The following SLAIN1 variants were observed in gnomAD, a reference collection of about 807,000 sequenced individuals.
The protein encoded by SLAIN1 is SLAIN motif-containing protein 1.
In SLAIN1, 17 loss-of-function variants were observed where a neutral mutation model predicts 55.4. That is an observed-to-expected ratio of 0.31 (90% CI 0.21 to 0.46). The LOEUF (loss-of-function observed/expected upper bound fraction) is 0.46, where lower values mean the gene tolerates loss of function less well. Among genes scored for constraint, SLAIN1 ranks in the 20% least tolerant of loss-of-function variants. The pLI, the probability that SLAIN1 is intolerant of heterozygous loss-of-function variation, is 1.00. For missense variants in SLAIN1, 682 were observed against 785.1 expected (o/e 0.87, Z 1.57); for synonymous variants, 348 against 337.4 (o/e 1.03, Z -0.35).
chr13:77,715,088 G>A (rs373693506), intron 1 of SLAIN1, among the ~76,000 whole-genome samples: 5 of 152,064 alleles, frequency 3.3e-5, no homozygotes, highest in East Asian at 1.9e-4. Context: ...GGATGGTCTC[G>A]ATCTCCTGAC....
intron 1 of SLAIN1, among the ~76,000 whole-genome samples, chr13:77,710,564 C>G (rs56204528): frequency 0.099 from 15,049 of 152,136 alleles, 863 homozygotes; most frequent in East Asian, 0.12. Flanking sequence ...TATATCCACC[C>G]AATACAGGAG....
chr13:77,757,826 G>A (rs937551689), intron 5 of SLAIN1, among the ~76,000 whole-genome samples: 12 of 152,034 alleles, frequency 7.9e-5, no homozygotes, highest in South Asian at 4.2e-4. Flanking sequence ...TTATCCACCC[G>A]TTGGTTGATG....
intron 2 of SLAIN1, among the ~76,000 whole-genome samples, chr13:77,727,228 C>T (rs568626101): frequency 2.0e-5 from 3 of 152,200 alleles, no homozygotes; most frequent in South Asian, 2.1e-4. Context: ...CTTTCTATTT[C>T]GAGGCACCCT....
intron 4 of SLAIN1, among the ~76,000 whole-genome samples, chr13:77,752,794 G>A (rs928122939): frequency 6.6e-5 from 10 of 152,316 alleles, no homozygotes; most frequent in South Asian, 4.1e-4. Context: ...GGAGAAAGGT[G>A]AAGTCTGCTC....
At chr13:77,740,418 C>T (rs79443751) in intron 2 of SLAIN1, among the ~76,000 whole-genome samples, 5,773 of 151,888 alleles carry the variant, frequency 0.038, 198 homozygotes, top group Admixed American at 0.072. Context: ...TGCCAAGTAT[C>T]GTACATTGAT....
intron 6 of SLAIN1, among the ~76,000 whole-genome samples, chr13:77,761,342 C>T (rs948282400): frequency 6.6e-5 from 10 of 152,174 alleles, no homozygotes; most frequent in Admixed American, 1.3e-4. Flanking sequence ...ACTCCTAAGA[C>T]GCTCTTTGCT....
At chr13:77,725,389 G>C (rs988944430) in intron 2 of SLAIN1, among the ~76,000 whole-genome samples, 2 of 152,178 alleles carry the variant, frequency 1.3e-5, no homozygotes, top group African/African-American at 2.4e-5. Flanking sequence ...ATGAGTAGGA[G>C]TGATGAGAGG....
chr13:77,703,599 G>A (rs923784256), intron 1 of SLAIN1, among the ~76,000 whole-genome samples: 1 of 151,994 alleles, frequency 6.6e-6, no homozygotes, highest in African/African-American at 2.4e-5. Context: ...AGGGTTGGGG[G>A]TGGAGGGAAA....
chr13:77,753,932 A>T (rs974642762), intron 5 of SLAIN1, among the ~76,000 whole-genome samples: 6 of 152,010 alleles, frequency 3.9e-5, no homozygotes, highest in Non-Finnish European at 7.4e-5. Flanking sequence ...CTTACTTTCT[A>T]TGTTTTACCC....
chr13:77,720,923 C>CA (rs2091255571), intron 2 of SLAIN1, among the ~76,000 whole-genome samples: 3 of 151,296 alleles, frequency 2.0e-5, no homozygotes, highest in Non-Finnish European at 3.0e-5. Context: ...AGTGTAGGGA[C>CA]AAAGGCATGT....
At chr13:77,715,174 A>G (rs781756969) in intron 1 of SLAIN1, among the ~76,000 whole-genome samples, 1 of 152,146 alleles carries the variant, frequency 6.6e-6, no homozygotes, top group Non-Finnish European at 1.5e-5. Context: ...TTTTATATCA[A>G]TAAAGTCACA....
intron 1 of SLAIN1, among the ~76,000 whole-genome samples, chr13:77,708,038 G>A (rs1219125112): frequency 6.6e-6 from 1 of 152,114 alleles, no homozygotes; most frequent in African/African-American, 2.4e-5. Flanking sequence ...ATGCGGAGTG[G>A]GAATGAGATA....
At chr13:77,702,982 T>G (rs1399457867) in intron 1 of SLAIN1, among the ~76,000 whole-genome samples, 3 of 152,152 alleles carry the variant, frequency 2.0e-5, no homozygotes, top group African/African-American at 7.2e-5. Flanking sequence ...GGAAAAGCAC[T>G]GAAGATAGTA....
Position 77,698,897 on chromosome 13 carries a change from C to G in SLAIN1, c.626+358C>G, listed in dbSNP as rs913978365. 1.1e-5 allele frequency: 17 copies of G among 1,532,352 alleles called. No homozygotes were observed. The African/African-American group carries it at 1.5e-4, about 14-fold the overall frequency. 94.9% of individuals were successfully genotyped at this position (1,532,352 alleles called of 1,614,324 possible). ...TTTTTGCTCAGTGCTGCTCTTTTCC[C>G]CAGTGTTTTCGGAGGGATGACGGGG... On this transcript the variant is annotated intron_variant, in intron 1 of 6. Coordinates refer to ENST00000418532, the MANE Select transcript of SLAIN1 (RefSeq NM_001242868.2). This position sits in a 1 kb window ranked among gnomAD's most constrained non-coding sequence, Gnocchi z 4.1.
chr13:77,707,446 TTTCTCTTTGG>T (rs1192114573), intron 1 of SLAIN1, among the ~76,000 whole-genome samples: 3 of 152,204 alleles, frequency 2.0e-5, no homozygotes, highest in Admixed American at 6.5e-5. Context: ...CTGCATTGTT[TTTCTCTTTGG>T]TTCTCTTTAC....
chr13:77,722,012 TAAA>T (rs2091267262), intron 2 of SLAIN1, among the ~76,000 whole-genome samples: 1 of 150,138 alleles, frequency 6.7e-6, no homozygotes, highest in Non-Finnish European at 1.5e-5. Flanking sequence ...TTTTCTTTTC[TAAA>T]AAGTAATCCT....
At chr13:77,731,304 G>T (rs1872849291) in intron 2 of SLAIN1, among the ~76,000 whole-genome samples, 1 of 152,138 alleles carries the variant, frequency 6.6e-6, no homozygotes, top group African/African-American at 2.4e-5. Context: ...AATATTGGAT[G>T]CTAGATAAAA....
Position 77,764,019 on chromosome 13 carries a change from C to T in SLAIN1, c.*799C>T, listed in dbSNP as rs1286641920. ...TTGCTACTGTACCACAATTGATTTT[C>T]AATACTTTATTACGAAGGATGAAAC... is the stretch of plus-strand genomic sequence containing the variant. On this transcript the variant is annotated 3_prime_UTR_variant, in exon 7 of 7. Transcript: ENST00000418532. 6.6e-6 allele frequency: 1 copy of T among 152,576 alleles called. No homozygotes were observed. Among genetic ancestry groups the T allele is most frequent in the Non-Finnish European group, 1.5e-5 (1 of 68,000 alleles). The allele number at this position is 152,576 out of a possible 1,614,324, so 9.5% of individuals were successfully genotyped here.
intron 2 of SLAIN1, among the ~76,000 whole-genome samples, chr13:77,743,882 A>G (rs1192325143): frequency 1.3e-5 from 2 of 152,038 alleles, no homozygotes; most frequent in African/African-American, 4.8e-5. Flanking sequence ...TTACTGTCAG[A>G]CAAGTGTGTC....
Sources: gnomAD v4.1 joint callset for allele counts (sites outside exome capture counted in the v4.1 genomes callset) on GRCh38, gnomAD v4.1.1 for gene constraint, Gnocchi (gnomAD v3.1) non-coding constraint, MANE v1.5 for transcripts, NCBI Gene and HGNC (gene_info 2026-07-23, HGNC 2026-07-21) for gene names.